SPON1: variants seen among roughly 807,000 people sequenced by gnomAD.
SPON1 encodes the protein spondin 1.
A neutral mutation model predicts 111.7 loss-of-function variants in SPON1; 52 were observed. That is an observed-to-expected ratio of 0.47 (90% confidence interval 0.37 to 0.59). The LOEUF is 0.59. Among genes scored for constraint, SPON1 ranks in the 20% least tolerant of loss-of-function variants. SPON1 has a pLI of 0.00. For missense variants in SPON1, 957 were observed against 1,068.5 expected, an observed-to-expected ratio of 0.90 and a Z score of 1.46; for synonymous variants, 410 against 395.8, an observed-to-expected ratio of 1.04 and a Z score of -0.43.
chr11:14,219,320 C>T (rs1848655968), intron 6 of SPON1, among the ~76,000 whole-genome samples: 1 of 152,162 alleles, frequency 6.6e-6, no homozygotes. Flanking sequence ...CAATTAAATT[C>T]AAACTATAAG....
intron 2 of SPON1, among the ~76,000 whole-genome samples, chr11:13,988,350 T>C (rs1848201550): frequency 6.6e-6 from 1 of 152,180 alleles, no homozygotes; most frequent in Non-Finnish European, 1.5e-5. Flanking sequence ...TTTGGCTCTC[T>C]GTTTGTCTGT....
At chr11:14,139,234 G>T (rs1443884571) in intron 6 of SPON1, among the ~76,000 whole-genome samples, 1 of 152,150 alleles carries the variant, frequency 6.6e-6, no homozygotes, top group Non-Finnish European at 1.5e-5. Flanking sequence ...CTTGTCTCTG[G>T]ACCTTCTCTC....
At chr11:14,232,890 A>G (rs1848818040) in intron 6 of SPON1, among the ~76,000 whole-genome samples, 1 of 152,106 alleles carries the variant, frequency 6.6e-6, no homozygotes. Flanking sequence ...CAGTGAGCAC[A>G]TGGCAGGGGG....
chr11:14,229,550 C>A (rs1848773063), intron 6 of SPON1, among the ~76,000 whole-genome samples: 1 of 152,120 alleles, frequency 6.6e-6, no homozygotes, highest in Non-Finnish European at 1.5e-5. Context: ...TACTATTCAC[C>A]TGGCCCTGAC....
chr11:14,010,532 G>T (rs1386152798), intron 2 of SPON1, among the ~76,000 whole-genome samples: 1 of 152,174 alleles, frequency 6.6e-6, no homozygotes, highest in Non-Finnish European at 1.5e-5. Context: ...GGAAGGTTTA[G>T]ATTTTCTGAG....
At chr11:14,054,616 C>T (rs1452601336) in intron 3 of SPON1, among the ~76,000 whole-genome samples, 1 of 151,678 alleles carries the variant, frequency 6.6e-6, no homozygotes, top group East Asian at 1.9e-4. Context: ...TAATTACACG[C>T]AGACTCTGAA....
intron 2 of SPON1, among the ~76,000 whole-genome samples, chr11:14,029,441 G>T (rs1479977444): frequency 6.6e-6 from 1 of 152,182 alleles, no homozygotes; most frequent in Admixed American, 6.5e-5. Flanking sequence ...CCGGGCTCTT[G>T]TCACATGATC....
chr11:14,092,088 T>C (rs571668635), intron 5 of SPON1, among the ~76,000 whole-genome samples: 2 of 152,346 alleles, frequency 1.3e-5, no homozygotes, highest in South Asian at 4.1e-4. Flanking sequence ...TCTGCATTGG[T>C]CTTGCTGTGA....
intron 5 of SPON1, among the ~76,000 whole-genome samples, chr11:14,130,080 A>C (rs573145248): frequency 6.6e-6 from 1 of 152,354 alleles, no homozygotes; most frequent in African/African-American, 2.4e-5. Context: ...TCAAATAGTC[A>C]ATCCTCACTA....
intron 6 of SPON1, among the ~76,000 whole-genome samples, chr11:14,150,047 T>C (rs1554929750): frequency 6.6e-6 from 1 of 152,068 alleles, no homozygotes; most frequent in East Asian, 1.9e-4. Context: ...TTATTCACAA[T>C]AGCCAAGATA....
At chr11:14,109,522 G>T (rs1849211445) in intron 5 of SPON1, among the ~76,000 whole-genome samples, 1 of 152,176 alleles carries the variant, frequency 6.6e-6, no homozygotes, top group African/African-American at 2.4e-5. Flanking sequence ...TGGGGAAAGA[G>T]AATTTGCATT....
intron 6 of SPON1, among the ~76,000 whole-genome samples, chr11:14,198,346 A>G (rs782075672): frequency 2.0e-5 from 3 of 152,208 alleles, no homozygotes; most frequent in Non-Finnish European, 4.4e-5. Context: ...TTGCCTTATG[A>G]CCGCTCTCAA....
chr11:14,207,528 C>A (rs1306658101), intron 6 of SPON1, among the ~76,000 whole-genome samples: 1 of 152,022 alleles, frequency 6.6e-6, no homozygotes, highest in Non-Finnish European at 1.5e-5. Flanking sequence ...AAAAACCAAA[C>A]AACCTCATTT....
chr11:13,992,469 A>C (rs998633102), intron 2 of SPON1, among the ~76,000 whole-genome samples: 17 of 152,256 alleles, frequency 1.1e-4, no homozygotes, highest in African/African-American at 4.1e-4. Flanking sequence ...GAGAATTTCA[A>C]GCCAGTGGAT....
At chr11:14,044,879 C>A (rs1313275824) in intron 3 of SPON1, among the ~76,000 whole-genome samples, 3 of 152,104 alleles carry the variant, frequency 2.0e-5, no homozygotes, top group African/African-American at 7.2e-5. Flanking sequence ...ACAAAGCTAC[C>A]TCTTTTTGTT....
intron 1 of SPON1, among the ~76,000 whole-genome samples, chr11:13,979,214 G>A (rs1301279849): frequency 6.6e-6 from 1 of 152,134 alleles, no homozygotes; most frequent in East Asian, 1.9e-4. Flanking sequence ...TCTGCGGCTT[G>A]TAAATGCATG....
At chr11:14,024,563 G>T (rs1458354272) in intron 2 of SPON1, among the ~76,000 whole-genome samples, 3 of 152,174 alleles carry the variant, frequency 2.0e-5, no homozygotes, top group Non-Finnish European at 4.4e-5. Context: ...TGGTCTGCCA[G>T]TGTCTGCTGG....
At chr11:14,086,357 C>T (rs183957427) in intron 5 of SPON1, among the ~76,000 whole-genome samples, 100 of 152,072 alleles carry the variant, frequency 6.6e-4, no homozygotes, top group Admixed American at 2.7e-3. Context: ...TAGCATGAAG[C>T]AGTGTTGAAT....
At chr11:14,159,157 T>C (rs1847882607) in intron 6 of SPON1, among the ~76,000 whole-genome samples, 3 of 152,160 alleles carry the variant, frequency 2.0e-5, no homozygotes, top group Non-Finnish European at 2.9e-5. Context: ...AAGACTCTAA[T>C]TGATTATTAC....
Sources: gnomAD v4.1 joint callset for allele counts (sites outside exome capture counted in the v4.1 genomes callset) on GRCh38, gnomAD v4.1.1 for gene constraint, MANE v1.5 for transcripts, NCBI Gene and HGNC (gene_info 2026-07-23, HGNC 2026-07-21) for gene names.